The following RTN1 variants were observed in gnomAD, a reference collection of about 807,000 sequenced individuals.
RTN1 encodes reticulon 1, also known as reticulon-1.
Under a neutral mutation model 65.5 loss-of-function variants are expected in RTN1, and 25 were observed. The observed-to-expected ratio is 0.38, with a 90% CI of 0.28 to 0.53. The LOEUF is 0.53. RTN1 is among the 20% of genes least tolerant of loss of function. RTN1 has a pLI of 0.79. For missense variants in RTN1, 983 were observed against 1,025.4 expected, an observed-to-expected ratio of 0.96 and a Z score of 0.57; for synonymous variants, 471 against 447.6, an observed-to-expected ratio of 1.05 and a Z score of -0.66.
In RTN1 at chr14:59,798,358, A is replaced by G. The variant is rs141281973; in HGVS notation, c.242-51877T>C. Among the ~76,000 whole-genome samples, 31 of 152,328 alleles carry G rather than the reference A, an allele frequency of 2.0e-4. 2 individuals are homozygous for G. The East Asian group carries it at 6.0e-3, about 29-fold the overall frequency. ...ATATCAGCTTGTATATTAATTTCCTATTGCTACTATAACTGTAACAAATTA... is the reference window on the plus strand; with the variant it reads ...ATATCAGCTTGTATATTAATTTCCTGTTGCTACTATAACTGTAACAAATTA... On this transcript the variant is annotated intron_variant, in intron 1 of 8. Transcript: ENST00000267484.
chr14:59,799,142 C>T (rs998448782), intron 1 of RTN1, among the ~76,000 whole-genome samples: 1 of 152,044 alleles, frequency 6.6e-6, no homozygotes, highest in Non-Finnish European at 1.5e-5. Flanking sequence ...GGTATTACCT[C>T]GTGATTTGAG....
chr14:59,679,293 G>T (rs1225116770), intron 3 of RTN1, among the ~76,000 whole-genome samples: 6 of 152,140 alleles, frequency 3.9e-5, no homozygotes, highest in Non-Finnish European at 8.8e-5. Flanking sequence ...GCTAAATTGA[G>T]TTATCTATTA....
At chr14:59,728,012 G>A (rs946254103) in intron 2 of RTN1, among the ~76,000 whole-genome samples, 7 of 152,246 alleles carry the variant, frequency 4.6e-5, no homozygotes, top group African/African-American at 1.7e-4. Context: ...ACAAGTCATC[G>A]TTTTAATTTC....
At chr14:59,650,194 G>A (rs1034443421) in intron 3 of RTN1, among the ~76,000 whole-genome samples, 4 of 152,160 alleles carry the variant, frequency 2.6e-5, no homozygotes, top group African/African-American at 4.8e-5. Flanking sequence ...AGTAGGAGTT[G>A]AACAATGAGA....
intron 3 of RTN1, among the ~76,000 whole-genome samples, chr14:59,620,657 C>G (rs1165905932): frequency 6.6e-6 from 1 of 152,068 alleles, no homozygotes; most frequent in East Asian, 1.9e-4. Context: ...TTAAACAGTG[C>G]TGGTCTAGAA....
At chr14:59,777,835 C>A (rs200416415) in intron 1 of RTN1, among the ~76,000 whole-genome samples, 30 of 126,930 alleles carry the variant, frequency 2.4e-4, no homozygotes, top group South Asian at 4.8e-4. Context: ...AAAAAAAAAA[C>A]AAAACAACAA....
chr14:59,792,527 T>A (rs1022766773), intron 1 of RTN1, among the ~76,000 whole-genome samples: 5 of 152,120 alleles, frequency 3.3e-5, no homozygotes, highest in Non-Finnish European at 2.9e-5. Context: ...AATGCCAAGA[T>A]AACATCTGTC....
At position 59,750,423 on chromosome 14, in the gene RTN1, A is replaced by T. The variant is rs1377678434; in HGVS notation, c.242-3942T>A. On this transcript the variant is annotated intron_variant, in intron 1 of 8. Coordinates refer to ENST00000267484, the MANE Select transcript of RTN1 (RefSeq NM_021136.3). Reference sequence around the variant, plus strand: ...TATATATATTATATGTATAATATATAATATATCTATAATATATAATATATC... The same window carrying T: ...TATATATATTATATGTATAATATATTATATATCTATAATATATAATATATC... Among the ~76,000 whole-genome samples, 118 of 63,684 alleles carry T rather than the reference A, an allele frequency of 1.9e-3. 7 individuals are homozygous for T. Among genetic ancestry groups the T allele is most frequent in the African/African-American group, 8.0e-3 (114 of 14,296 alleles). 41.8% of individuals were successfully genotyped at this position (63,684 alleles called of 152,430 possible). A position where few individuals can be genotyped will look rare whatever the true frequency, so the allele number is the denominator to read the frequency against.
chr14:59,795,513 C>A (rs946126819), intron 1 of RTN1, among the ~76,000 whole-genome samples: 1 of 151,782 alleles, frequency 6.6e-6, no homozygotes, highest in African/African-American at 2.4e-5. Context: ...CCAGCCTGGG[C>A]AAAATAGTGA....
In RTN1 at chr14:59,727,754, T is replaced by C. The variant is rs1254708732; in HGVS notation, c.1016-86A>G. The C allele has an allele frequency of 6.8e-7, 1 of 1,462,882 alleles. No individual in the cohort carries two copies. The highest frequency in any genetic ancestry group is 9.0e-7 in the Non-Finnish European group (1 of 1,107,228). 90.6% of individuals were successfully genotyped at this position (1,462,882 alleles called of 1,614,324 possible). Reference sequence around the variant, plus strand: ...AGAGAGAGGAGGGATAAAACAAAATTCCATTAGGCGAGATGTTTTGTCGTT... The same window carrying C: ...AGAGAGAGGAGGGATAAAACAAAATCCCATTAGGCGAGATGTTTTGTCGTT... On this transcript the variant is annotated intron_variant, in intron 2 of 8. Transcript: ENST00000267484. The surrounding 1 kb of genome is among the most constrained non-coding windows in gnomAD (Gnocchi z 4.2).
At chr14:59,754,909 C>T (rs997238076) in intron 1 of RTN1, among the ~76,000 whole-genome samples, 4 of 152,082 alleles carry the variant, frequency 2.6e-5, no homozygotes, top group Non-Finnish European at 4.4e-5. Context: ...GAGCAGGTGG[C>T]GGTTCATTAC....
chr14:59,770,432 T>C (rs898447924), intron 1 of RTN1, among the ~76,000 whole-genome samples: 4 of 142,710 alleles, frequency 2.8e-5, no homozygotes, highest in African/African-American at 1.0e-4. Context: ...TTTCAAAGAC[T>C]AATGCATGAT....
At chr14:59,792,483 A>G (rs186757877) in intron 1 of RTN1, among the ~76,000 whole-genome samples, 25 of 152,198 alleles carry the variant, frequency 1.6e-4, no homozygotes, top group Admixed American at 9.8e-4. Flanking sequence ...AAAACTGGCC[A>G]CATTTAACTG....
intron 1 of RTN1, among the ~76,000 whole-genome samples, chr14:59,797,840 A>G (rs1005939611): frequency 2.6e-5 from 4 of 152,208 alleles, no homozygotes; most frequent in African/African-American, 4.8e-5. Flanking sequence ...TTGAAAGGCT[A>G]AAATCCAACT....
At chr14:59,705,197 C>T (rs1405605655) in intron 3 of RTN1, among the ~76,000 whole-genome samples, 1 of 152,174 alleles carries the variant, frequency 6.6e-6, no homozygotes, top group Non-Finnish European at 1.5e-5. Context: ...GGAACAAGCA[C>T]ACGGAAGTCT....
intron 3 of RTN1, among the ~76,000 whole-genome samples, chr14:59,708,621 AG>A (rs1884350929): frequency 6.6e-6 from 1 of 152,222 alleles, no homozygotes; most frequent in African/African-American, 2.4e-5. Context: ...GACACTCCCA[AG>A]GTTTGTAAGC....
chr14:59,750,281 A>T lies in RTN1; in HGVS notation c.242-3800T>A, dbSNP rs1319935103. ...AATATATATAATATCTATAATATAT[A>T]ATATATATAATATCTATAATATATA... On this transcript the variant is annotated intron_variant, in intron 1 of 8. Transcript: ENST00000267484. Among the ~76,000 whole-genome samples the T allele has an allele frequency of 8.4e-3, 251 of 29,944 alleles. 15 individuals are homozygous for T. Among genetic ancestry groups the T allele is most frequent in the Admixed American group, 0.012 (19 of 1,596 alleles). 19.6% of individuals were successfully genotyped at this position (29,944 alleles called of 152,430 possible).
chr14:59,663,155 A>C (rs1022304054), intron 3 of RTN1, among the ~76,000 whole-genome samples: 1 of 152,200 alleles, frequency 6.6e-6, no homozygotes, highest in Admixed American at 6.5e-5. Flanking sequence ...GACAAGAACA[A>C]GCAGTGGGGA....
chr14:59,710,742 C>T (rs1166744105), intron 3 of RTN1, among the ~76,000 whole-genome samples: 1 of 152,186 alleles, frequency 6.6e-6, no homozygotes, highest in Non-Finnish European at 1.5e-5. Flanking sequence ...CCACAAAGGA[C>T]AGCCCATCTG....
Sources: gnomAD v4.1 joint callset for allele counts (sites outside exome capture counted in the v4.1 genomes callset) on GRCh38, gnomAD v4.1.1 for gene constraint, Gnocchi (gnomAD v3.1) non-coding constraint, MANE v1.5 for transcripts, NCBI Gene and HGNC (gene_info 2026-07-23, HGNC 2026-07-21) for gene names.